FAM117B: variants seen among roughly 807,000 people sequenced by gnomAD.
FAM117B encodes the protein family with sequence similarity 117 member B.
FAM117B carries 22 observed loss-of-function variants against 52.8 expected under a neutral mutation model. The observed-to-expected ratio is 0.42, with a 90% confidence interval of 0.30 to 0.59. The LOEUF is 0.59. Among genes scored for constraint, FAM117B ranks in the 20% least tolerant of loss-of-function variants. FAM117B has a pLI of 0.22. For synonymous variants in FAM117B, 309 were observed against 324.1 expected (o/e 0.95, Z 0.50); for missense variants, 678 against 802.6 (o/e 0.84, Z 1.88).
chr2:202,725,423 A>G (rs1478432461), intron 3 of FAM117B, among the ~76,000 whole-genome samples: 4 of 151,860 alleles, frequency 2.6e-5, no homozygotes, highest in Admixed American at 6.6e-5. Context: ...GGCTCAAGCA[A>G]TTCTCGTGCC....
chr2:202,744,764 A>C (rs1389355497), intron 4 of FAM117B, among the ~76,000 whole-genome samples: 1 of 151,910 alleles, frequency 6.6e-6, no homozygotes, highest in Non-Finnish European at 1.5e-5. Context: ...ACCTGAGATC[A>C]GGAGTTCGAG....
chr2:202,696,809 T>A lies in FAM117B; in HGVS notation c.753+777T>A, dbSNP rs866435225. ...GGCCAGGCGGGATGGCTTACGCCTATAGTGCCAGCACTTTGGGAGGCCGAG... is the reference window on the plus strand; with the variant it reads ...GGCCAGGCGGGATGGCTTACGCCTAAAGTGCCAGCACTTTGGGAGGCCGAG... On this transcript the variant is annotated intron_variant, in intron 2 of 7. Transcript: ENST00000392238. Among the ~76,000 whole-genome samples, 12 of 152,356 alleles carry A rather than the reference T, an allele frequency of 7.9e-5. No homozygotes were observed. The Middle Eastern group carries it at 0.034, about 432-fold the overall frequency.
At position 202,708,209 on chromosome 2, in the gene FAM117B, C is replaced by A. The variant is rs573663207; in HGVS notation, c.753+12177C>A. On this transcript the variant is annotated intron_variant, in intron 2 of 7. Transcript: ENST00000392238. ...ATTTTGCTTAACTGAAACTTTATTT[C>A]CATTGGTTGGTAACTCTCTCCATCC... Among the ~76,000 whole-genome samples, 4 of 152,272 alleles carry A rather than the reference C, an allele frequency of 2.6e-5. No individual in the cohort carries two copies. The East Asian group carries it at 7.7e-4, about 29-fold the overall frequency.
chr2:202,743,503 C>T (rs1207226231), intron 4 of FAM117B, among the ~76,000 whole-genome samples: 2 of 152,154 alleles, frequency 1.3e-5, no homozygotes, highest in Admixed American at 1.3e-4. Flanking sequence ...GGAACCATGG[C>T]ATCTCCAGAG....
intron 2 of FAM117B, among the ~76,000 whole-genome samples, chr2:202,700,686 T>A (rs890609589): frequency 2.9e-5 from 3 of 104,320 alleles, no homozygotes; most frequent in Admixed American, 1.7e-4. Flanking sequence ...TAAACAAGAA[T>A]TTTTTTTTTT....
intron 4 of FAM117B, among the ~76,000 whole-genome samples, chr2:202,749,630 A>T (rs900437253): frequency 9.9e-5 from 15 of 152,134 alleles, no homozygotes; most frequent in Non-Finnish European, 1.3e-4. Flanking sequence ...CTTTTGCAAT[A>T]AAGAAAACAA....
At chr2:202,678,153 C>T (rs1290232272) in intron 1 of FAM117B, among the ~76,000 whole-genome samples, 1 of 152,118 alleles carries the variant, frequency 6.6e-6, no homozygotes, top group Non-Finnish European at 1.5e-5. Context: ...TCCTTAGTCT[C>T]GCACTGAATT....
intron 1 of FAM117B, among the ~76,000 whole-genome samples, chr2:202,667,150 G>T (rs1690218347): frequency 6.6e-6 from 1 of 151,906 alleles, no homozygotes; most frequent in South Asian, 2.1e-4. Context: ...GCCCAGGCTG[G>T]AGTGCAGTGG....
chr2:202,714,068 T>C (rs1053705812), intron 2 of FAM117B, among the ~76,000 whole-genome samples: 2 of 152,254 alleles, frequency 1.3e-5, no homozygotes, highest in Admixed American at 1.3e-4. Context: ...CATTGACCCA[T>C]TGGTCATTCA....
At chr2:202,656,427 G>A (rs896484898) in intron 1 of FAM117B, among the ~76,000 whole-genome samples, 12 of 152,080 alleles carry the variant, frequency 7.9e-5, no homozygotes, top group Middle Eastern at 6.3e-3. Flanking sequence ...TCAGTTCCAG[G>A]TATTTTCTAG....
chr2:202,671,467 C>T (rs1451289979), intron 1 of FAM117B, among the ~76,000 whole-genome samples: 1 of 152,206 alleles, frequency 6.6e-6, no homozygotes, highest in African/African-American at 2.4e-5. Flanking sequence ...GAATAACTCC[C>T]AGGCTCTCTT....
intron 1 of FAM117B, among the ~76,000 whole-genome samples, chr2:202,673,914 A>G (rs1475022260): frequency 6.6e-6 from 1 of 152,164 alleles, no homozygotes; most frequent in Non-Finnish European, 1.5e-5. Context: ...AGTGTCTTCT[A>G]CATGATGGGT....
chr2:202,685,016 T>C (rs1217744229), intron 1 of FAM117B, among the ~76,000 whole-genome samples: 1 of 152,000 alleles, frequency 6.6e-6, no homozygotes, highest in Admixed American at 6.6e-5. Flanking sequence ...AGAGTCTTGC[T>C]CCATGGCCCA....
chr2:202,732,633 A>G (rs1033880615), intron 4 of FAM117B, among the ~76,000 whole-genome samples: 3 of 152,106 alleles, frequency 2.0e-5, no homozygotes, highest in African/African-American at 7.2e-5. Flanking sequence ...ACCCTGGCCA[A>G]CATAGTGAAA....
chr2:202,731,732 CTTTT>C (rs1324256260), intron 4 of FAM117B, among the ~76,000 whole-genome samples: 1 of 146,174 alleles, frequency 6.8e-6, no homozygotes, highest in Non-Finnish European at 1.5e-5. Context: ...ACCCAGCCTA[CTTTT>C]TTTTGTTTGT....
chr2:202,697,738 C>T (rs751131244), intron 2 of FAM117B, among the ~76,000 whole-genome samples: 7 of 151,834 alleles, frequency 4.6e-5, no homozygotes, highest in East Asian at 1.9e-4. Context: ...TTAGTAGAGA[C>T]GGGGTTTTAC....
chr2:202,700,605 A>G (rs1192769929), intron 2 of FAM117B, among the ~76,000 whole-genome samples: 4 of 152,224 alleles, frequency 2.6e-5, no homozygotes, highest in East Asian at 3.8e-4. Flanking sequence ...TGAAGCAGCA[A>G]GTACTGATAT....
intron 4 of FAM117B, among the ~76,000 whole-genome samples, chr2:202,753,516 G>T (rs1373287165): frequency 1.3e-5 from 2 of 152,126 alleles, no homozygotes; most frequent in African/African-American, 4.8e-5. Flanking sequence ...TGACAAATGG[G>T]ATCTAATTAA....
chr2:202,733,471 C>T (rs1028880949), intron 4 of FAM117B, among the ~76,000 whole-genome samples: 5 of 152,192 alleles, frequency 3.3e-5, no homozygotes, highest in African/African-American at 1.2e-4. Context: ...CTCATCTCAA[C>T]CGCATAAGAC....
Sources: gnomAD v4.1 joint callset for allele counts (sites outside exome capture counted in the v4.1 genomes callset) on GRCh38, gnomAD v4.1.1 for gene constraint, MANE v1.5 for transcripts, NCBI Gene and HGNC (gene_info 2026-07-23, HGNC 2026-07-21) for gene names.